SETX: variants seen among roughly 807,000 people sequenced by gnomAD.
The protein encoded by SETX is helicase senataxin.
Under a neutral mutation model 227.2 loss-of-function variants are expected in SETX, and 90 were observed. The observed-to-expected ratio is 0.40, with a 90% CI of 0.33 to 0.47. The LOEUF is 0.47. SETX is among the 20% of genes least tolerant of loss of function. SETX has a pLI of 0.91. For missense variants in SETX, 3,052 were observed against 3,181.5 expected, an observed-to-expected ratio of 0.96 and a Z score of 0.98; for synonymous variants, 1,210 against 1,113.2, an observed-to-expected ratio of 1.09 and a Z score of -1.73.
intron 10 of SETX, among the ~76,000 whole-genome samples, chr9:132,318,051 C>G (rs1226264239): frequency 6.6e-6 from 1 of 151,874 alleles, no homozygotes; most frequent in Non-Finnish European, 1.5e-5. Flanking sequence ...ATTGCTTTTT[C>G]TTGTCTATTT....
rs749077874 is a variant in SETX, at chr9:132,336,359, C to G, written c.655G>C (p.Gly219Arg). 2 of 1,613,922 alleles carry G rather than the reference C, an allele frequency of 1.2e-6. No homozygotes were observed. Among genetic ancestry groups the G allele is most frequent in the Non-Finnish European group, 8.5e-7 (1 of 1,179,932 alleles). ...TGTGAGGGCAGAAGAATCAGTTTAC[C>G]CTTCTCTAGGACAGAAGAAGTATAA... Reference protein sequence around the residue: ...DIYTSSVLEKGKLILLPSHMY... With the variant: ...DIYTSSVLEKRKLILLPSHMY... Residue 219 changes from glycine (G) to arginine (R), a missense_variant, in exon 6 of 26, where the codon GGT (glycine) becomes CGT (arginine). Coordinates refer to ENST00000224140, the MANE Select transcript of SETX (RefSeq NM_015046.7).
At chr9:132,315,837 C>T (rs549952896) in intron 10 of SETX, among the ~76,000 whole-genome samples, 73 of 152,306 alleles carry the variant, frequency 4.8e-4, no homozygotes, top group Middle Eastern at 3.4e-3. Context: ...ATTTCTCCTT[C>T]GTCCCTGATT....
Position 132,307,678 on chromosome 9 carries a change from A to ATTT in SETX, c.5374+4076_5374+4078dup, listed in dbSNP as rs535908148. ...CAGTCACCACTGGCACTTACTAGTG[A>ATTT]TTTTTTTTTTTTTTTTTTGAGATGG... On this transcript the variant is annotated intron_variant, in intron 11 of 25. Coordinates refer to ENST00000224140, the MANE Select transcript of SETX (RefSeq NM_015046.7). Among the ~76,000 whole-genome samples the ATTT allele has an allele frequency of 2.9e-4, 39 of 135,428 alleles. 1 individual carries two copies. The highest frequency in any genetic ancestry group is 1.0e-3 in the African/African-American group (36 of 36,180). 88.8% of individuals were successfully genotyped at this position (135,428 alleles called of 152,430 possible). A position where few individuals can be genotyped will look rare whatever the true frequency, so the allele number is the denominator to read the frequency against.
At chr9:132,320,541 C>A (rs566412868) in intron 10 of SETX, among the ~76,000 whole-genome samples, 249 of 132,948 alleles carry the variant, frequency 1.9e-3, no homozygotes, top group African/African-American at 6.8e-3. Flanking sequence ...TTGCAGTGAG[C>A]CAAGATCGCA....
At chr9:132,315,962 T>C (rs923739356) in intron 10 of SETX, among the ~76,000 whole-genome samples, 1 of 152,166 alleles carries the variant, frequency 6.6e-6, no homozygotes, top group Non-Finnish European at 1.5e-5. Context: ...TACCATAAAC[T>C]AGGTGTTTTG....
intron 18 of SETX, 122 bp downstream of exon 18, chr9:132,286,299 GAC>G (rs1280788237): frequency 7.0e-6 from 5 of 711,516 alleles, no homozygotes; most frequent in Middle Eastern, 4.0e-4. Context: ...CAGCCTGAGA[GAC>G]AGAGTGAGAC....
At chr9:132,324,307 G>A (rs7850020) in intron 10 of SETX, among the ~76,000 whole-genome samples, 21,858 of 152,108 alleles carry the variant, frequency 0.14, 2,244 homozygotes, top group East Asian at 0.43. Flanking sequence ...TTTGAGGTAC[G>A]AATTGATCAA....
intron 15 of SETX, among the ~76,000 whole-genome samples, chr9:132,293,379 G>GA (rs976951268): frequency 6.6e-6 from 1 of 151,680 alleles, no homozygotes; most frequent in Non-Finnish European, 1.5e-5. Flanking sequence ...TACTGAAAAA[G>GA]AAAAAAAGGT....
intron 6 of SETX, among the ~76,000 whole-genome samples, chr9:132,336,007 C>T (rs1157796534): frequency 1.3e-5 from 2 of 152,132 alleles, no homozygotes; most frequent in African/African-American, 2.4e-5. Flanking sequence ...TTTAGGAGGC[C>T]AGGGTGGGCA....
rs559527822 is a variant in SETX, at chr9:132,325,562, A to G, written c.5274+762T>C. Reference sequence around the variant, plus strand: ...AGTCTTCCTTTACCCGTGCGTCAATAAACATTTCCTTCTGTGTTACCTCTG... The same window carrying G: ...AGTCTTCCTTTACCCGTGCGTCAATGAACATTTCCTTCTGTGTTACCTCTG... On this transcript the variant is annotated intron_variant, in intron 10 of 25. Coordinates refer to ENST00000224140, the MANE Select transcript of SETX (RefSeq NM_015046.7). 3.5e-3 allele frequency among the ~76,000 whole-genome samples: 528 copies of G among 152,276 alleles called. 2 individuals carry two copies. The highest frequency in any genetic ancestry group is 6.0e-3 in the Non-Finnish European group (405 of 68,022).
intron 19 of SETX, among the ~76,000 whole-genome samples, chr9:132,282,302 T>TTA (rs1843584748): frequency 6.7e-6 from 1 of 150,278 alleles, no homozygotes. Context: ...TTAACTTATT[T>TTA]TTTTTTTTTT....
chr9:132,265,196 C>T (rs980874700), intron 25 of SETX, among the ~76,000 whole-genome samples: 2 of 147,814 alleles, frequency 1.4e-5, no homozygotes, highest in Non-Finnish European at 3.0e-5. Context: ...GACCTGGTCA[C>T]AACCTATAAT....
At chr9:132,336,173 G>A (rs1483809170) in intron 6 of SETX, 123 bp downstream of exon 6, 1 of 793,936 alleles carries the variant, frequency 1.3e-6, no homozygotes, top group Non-Finnish European at 2.1e-6. Flanking sequence ...AACCTGGGAG[G>A]TGGAGCTTGC....
At position 132,328,395 on chromosome 9, in the gene SETX, T is replaced by C; in HGVS notation, c.3203A>G (p.Glu1068Gly). ...AGATTCCTCAAACTGAAAAAGAGTC[T>C]CTGTCTTTTCTTCCTTTACTGGATT... ...EKNPVKEEKT[E>G]TLFQFEESDS... The change falls in exon 10 of 26, where the codon GAG becomes GGG. Residue 1068 changes from glutamate (E) to glycine (G), a missense_variant. Glu to Gly is a moderately conservative substitution (Grantham distance 98). Coordinates refer to ENST00000224140, the MANE Select transcript of SETX (RefSeq NM_015046.7). 1 of 1,614,008 alleles carries C rather than the reference T, an allele frequency of 6.2e-7. No individual in the cohort carries two copies.
rs778085232 is a variant in SETX, at chr9:132,288,380, A to G, written c.6209-29T>C. 77 of 1,536,086 alleles carry G rather than the reference A, an allele frequency of 5.0e-5. No homozygotes were observed. The Middle Eastern group carries it at 6.8e-4, about 14-fold the overall frequency. On this transcript the variant is annotated intron_variant, in intron 16 of 25. Coordinates refer to ENST00000224140, the MANE Select transcript of SETX (RefSeq NM_015046.7). ...ATAAAAATAACAAATAAAAAATTAT[A>G]TGCTATTCTAATTCTAACAAACTCA...
At chr9:132,349,899 C>T (rs1311099701) in intron 2 of SETX, among the ~76,000 whole-genome samples, 2 of 152,094 alleles carry the variant, frequency 1.3e-5, no homozygotes, top group Non-Finnish European at 1.5e-5. Flanking sequence ...GTTAGTGGGA[C>T]GTGAAAAAGC....
intron 11 of SETX, 132 bp downstream of exon 11, chr9:132,311,625 C>A: frequency 1.5e-6 from 1 of 681,240 alleles, no homozygotes; most frequent in South Asian, 1.7e-5. Context: ...AGACTTTAAG[C>A]ATATTCTAAG....
chr9:132,287,746 A>C (rs1032161667), intron 17 of SETX, among the ~76,000 whole-genome samples: 2 of 147,322 alleles, frequency 1.4e-5, no homozygotes, highest in African/African-American at 5.2e-5. Flanking sequence ...AAATGAAAAA[A>C]AAAATTAAAA....
chr9:132,288,850 A>G (rs959961903), intron 15 of SETX, among the ~76,000 whole-genome samples, 199 bp from the exon 16 acceptor site: 7 of 152,224 alleles, frequency 4.6e-5, no homozygotes, highest in Non-Finnish European at 8.8e-5. Flanking sequence ...TAACAATCCT[A>G]TAAGGCAAGT....
Sources: allele counts gnomAD v4.1 joint callset (sites outside exome capture counted in the v4.1 genomes callset), GRCh38; gene constraint gnomAD v4.1.1; transcripts MANE v1.5; gene names NCBI Gene and HGNC (gene_info 2026-07-23, HGNC 2026-07-21).